Variants in RPS6KA5 observed in about 807,000 individuals in gnomAD.
RPS6KA5 encodes the protein ribosomal protein S6 kinase A5.
A neutral mutation model predicts 85.5 loss-of-function variants in RPS6KA5; 27 were observed. That is an observed-to-expected ratio of 0.32 (90% CI 0.23 to 0.44). The LOEUF is 0.44. Among genes scored for constraint, RPS6KA5 ranks in the 20% least tolerant of loss-of-function variants. RPS6KA5 has a pLI of 1.00. For synonymous variants in RPS6KA5, 334 were observed against 348.2 expected, an observed-to-expected ratio of 0.96 and a Z score of 0.46; for missense variants, 811 against 980.9, an observed-to-expected ratio of 0.83 and a Z score of 2.31.
chr14:90,915,159 A>G (rs906842861), intron 7 of RPS6KA5, among the ~76,000 whole-genome samples: 1 of 152,206 alleles, frequency 6.6e-6, no homozygotes. Flanking sequence ...TGACTCCAAA[A>G]GCAACATATC....
chr14:90,886,343 T>C lies in RPS6KA5; in HGVS notation c.1836+4144A>G, dbSNP rs891552762. 2.0e-5 allele frequency among the ~76,000 whole-genome samples: 3 copies of C among 152,144 alleles called. 1 individual carries two copies. Among genetic ancestry groups the C allele is most frequent in the Admixed American group, 6.5e-5 (1 of 15,270 alleles). On this transcript the variant is annotated intron_variant, in intron 14 of 16. Coordinates refer to ENST00000614987, the MANE Select transcript of RPS6KA5 (RefSeq NM_004755.4). ...AAAATTTTATAACACTTCACAGGTA[T>C]GTTATATATCTTATCCTACTTTCTC...
At chr14:90,969,960 C>T (rs117558701) in intron 3 of RPS6KA5, among the ~76,000 whole-genome samples, 1 of 151,962 alleles carries the variant, frequency 6.6e-6, no homozygotes, top group Non-Finnish European at 1.5e-5. Flanking sequence ...AACTCCCATA[C>T]CTCCTGTTCT....
At chr14:90,978,661 G>A in intron 2 of RPS6KA5, 137 bp from the exon 3 acceptor site, 3 of 605,456 alleles carry the variant, frequency 5.0e-6, no homozygotes, top group Non-Finnish European at 8.3e-6. Flanking sequence ...AGTTCAAATA[G>A]TTATTTGATA....
chr14:91,047,141 G>A (rs2042908645), intron 1 of RPS6KA5, among the ~76,000 whole-genome samples: 1 of 151,872 alleles, frequency 6.6e-6, no homozygotes, highest in Non-Finnish European at 1.5e-5. Context: ...ATATATAAAT[G>A]TACTTATTTA....
Position 90,965,072 on chromosome 14 carries a change from C to T in RPS6KA5, c.394+13234G>A, listed in dbSNP as rs144998602. The stretch of plus-strand genomic sequence containing the variant: ...AAAAGGCTGAAGCCATTTATATCAC[C>T]CACCAACAGTGAGTAAATACCTCTT... On this transcript the variant is annotated intron_variant, in intron 3 of 16. Coordinates refer to ENST00000614987, the MANE Select transcript of RPS6KA5 (RefSeq NM_004755.4). Among the ~76,000 whole-genome samples the T allele has an allele frequency of 2.8e-3, 427 of 152,160 alleles. 2 individuals carry two copies. The highest frequency in any genetic ancestry group is 0.017 in the Middle Eastern group (5 of 294).
intron 1 of RPS6KA5, among the ~76,000 whole-genome samples, chr14:91,047,524 C>T (rs1407577540): frequency 6.6e-6 from 1 of 152,192 alleles, no homozygotes; most frequent in East Asian, 1.9e-4. Context: ...CATTTTCTGG[C>T]AAAACAGTTG....
intron 14 of RPS6KA5, among the ~76,000 whole-genome samples, chr14:90,881,472 A>G (rs1430207606): frequency 6.7e-6 from 1 of 148,280 alleles, no homozygotes; most frequent in African/African-American, 2.5e-5. Flanking sequence ...AAAAAAGTCT[A>G]TTTTAGTGTA....
At chr14:90,923,428 T>TC (rs1555362981) in intron 5 of RPS6KA5, among the ~76,000 whole-genome samples, 1 of 150,822 alleles carries the variant, frequency 6.6e-6, no homozygotes, top group African/African-American at 2.5e-5. Context: ...AATGGTACCA[T>TC]CATCCATCCA....
intron 7 of RPS6KA5, among the ~76,000 whole-genome samples, chr14:90,917,065 C>T (rs116147473): frequency 0.018 from 2,722 of 152,210 alleles, 70 homozygotes; most frequent in African/African-American, 0.063. Flanking sequence ...CAGGCTAAGG[C>T]GACCCTTAGT....
At chr14:91,036,292 C>T (rs1184826667) in intron 1 of RPS6KA5, among the ~76,000 whole-genome samples, 1 of 152,126 alleles carries the variant, frequency 6.6e-6, no homozygotes, top group Non-Finnish European at 1.5e-5. Flanking sequence ...CTTCAAAGGT[C>T]GGAAGACAGT....
At chr14:91,046,254 C>T (rs1161883156) in intron 1 of RPS6KA5, among the ~76,000 whole-genome samples, 3 of 152,222 alleles carry the variant, frequency 2.0e-5, no homozygotes, top group East Asian at 3.9e-4. Flanking sequence ...GCCAGACACA[C>T]AGTAGGAATT....
chr14:90,886,783 G>T (rs953533488), intron 14 of RPS6KA5, among the ~76,000 whole-genome samples: 3 of 152,178 alleles, frequency 2.0e-5, no homozygotes. Context: ...TTAATATACC[G>T]TGTAAGCTCT....
At chr14:90,964,505 A>G (rs1190293371) in intron 3 of RPS6KA5, among the ~76,000 whole-genome samples, 1 of 152,236 alleles carries the variant, frequency 6.6e-6, no homozygotes, top group Non-Finnish European at 1.5e-5. Context: ...TGGCCTACAG[A>G]CAACCTTAGT....
intron 3 of RPS6KA5, among the ~76,000 whole-genome samples, chr14:90,971,096 T>C (rs2039298048): frequency 6.6e-6 from 1 of 152,066 alleles, no homozygotes; most frequent in African/African-American, 2.4e-5. Context: ...GGCGAGCAGA[T>C]TACCGATGCC....
Position 90,889,778 on chromosome 14 carries a change from T to C in RPS6KA5, c.1836+709A>G, listed in dbSNP as rs149395796. On this transcript the variant is annotated intron_variant, in intron 14 of 16. Transcript: ENST00000614987. ...CATGTGGAAAGATGAAAAGCCTACA[T>C]ATCTAAAGGGGAGGAGGGGCTGAAG... 7.8e-4 allele frequency among the ~76,000 whole-genome samples: 119 copies of C among 152,302 alleles called. No individual in the cohort carries two copies. In the East Asian group the frequency reaches 0.022, roughly 28 times the overall value.
intron 1 of RPS6KA5, among the ~76,000 whole-genome samples, chr14:91,048,996 G>A (rs1167889006): frequency 6.6e-6 from 1 of 152,178 alleles, no homozygotes; most frequent in East Asian, 1.9e-4. Flanking sequence ...TGGAGCAGAG[G>A]TTAATGTTGG....
chr14:90,888,087 G>A (rs907068262), intron 14 of RPS6KA5, among the ~76,000 whole-genome samples: 4 of 149,802 alleles, frequency 2.7e-5, no homozygotes, highest in African/African-American at 9.9e-5. Context: ...TTTATTTGTT[G>A]AACAAACTGG....
chr14:91,044,745 C>T (rs942637939), intron 1 of RPS6KA5, among the ~76,000 whole-genome samples: 1 of 151,920 alleles, frequency 6.6e-6, no homozygotes, highest in Admixed American at 6.6e-5. Flanking sequence ...GTGGCAGGCA[C>T]CTGTAATCCC....
intron 1 of RPS6KA5, among the ~76,000 whole-genome samples, chr14:91,006,926 T>TATAATTA (rs1180517708): frequency 6.6e-6 from 1 of 152,202 alleles, no homozygotes; most frequent in Admixed American, 6.5e-5. Flanking sequence ...TATAATTAGA[T>TATAATTA]GTAGTTGGAA....
Sources: allele counts gnomAD v4.1 joint callset (sites outside exome capture counted in the v4.1 genomes callset), GRCh38; gene constraint gnomAD v4.1.1; transcripts MANE v1.5; gene names NCBI Gene and HGNC (gene_info 2026-07-23, HGNC 2026-07-21).